The following TPX2 variants were observed in gnomAD, a reference collection of about 807,000 sequenced individuals.
TPX2 encodes targeting protein for Xklp2.
TPX2 carries 21 observed loss-of-function variants against 93.6 expected under a neutral mutation model. That is an observed-to-expected ratio of 0.22 (90% confidence interval 0.16 to 0.32). TPX2 has a LOEUF of 0.32. Among genes scored for constraint, TPX2 ranks in the 10% least tolerant of loss-of-function variants. The pLI is 1.00. For synonymous variants in TPX2, 281 were observed against 298.3 expected (o/e 0.94, Z 0.60); for missense variants, 776 against 871.1 (o/e 0.89, Z 1.37).
At chr20:31,762,550 A>G (rs2061896514) in intron 4 of TPX2, among the ~76,000 whole-genome samples, 1 of 151,924 alleles carries the variant, frequency 6.6e-6, no homozygotes, top group African/African-American at 2.4e-5. Context: ...GGGTTTCGTG[A>G]TGTCGGTCAG....
At chr20:31,754,800 A>G (rs894762139) in intron 2 of TPX2, among the ~76,000 whole-genome samples, 2 of 152,234 alleles carry the variant, frequency 1.3e-5, no homozygotes, top group Non-Finnish European at 2.9e-5. Flanking sequence ...AGATACAGCC[A>G]TTAATTGATA....
intron 4 of TPX2, among the ~76,000 whole-genome samples, chr20:31,765,334 G>T (rs996744993): frequency 2.2e-5 from 3 of 139,428 alleles, no homozygotes; most frequent in Admixed American, 7.2e-5. Context: ...AAAAAAAAAC[G>T]TTTATCAAAA....
intron 7 of TPX2, among the ~76,000 whole-genome samples, chr20:31,773,276 C>G (rs1371418543): frequency 2.0e-5 from 3 of 151,824 alleles, no homozygotes; most frequent in Non-Finnish European, 1.5e-5. Flanking sequence ...CTCAGTCTCC[C>G]ATGTGGCTGG....
In TPX2 at chr20:31,783,873, T is replaced by G; in HGVS notation, c.1365T>G (p.Phe455Leu). The change falls in exon 12 of 18, where the codon TTT (phenylalanine) becomes TTG (leucine). Residue 455 changes from phenylalanine (F) to leucine (L), a missense_variant. Physicochemically the swap from Phe to Leu is conservative, Grantham distance 22. This residue lies in a region of TPX2 where 461 missense variants were observed against 551.2 expected (regional missense o/e 0.84). Transcript: ENST00000300403. ...ESKKKTEDEH[F>L]EFHSRPCPTK... ...AGAAGAAAACAGAGGATGAACACTT[T>G]GAATTTCATTCCAGACCTTGCCCTA... The G allele has an allele frequency of 1.2e-6, 2 of 1,609,324 alleles. No homozygotes were observed. Among genetic ancestry groups the G allele is most frequent in the Non-Finnish European group, 1.7e-6 (2 of 1,179,050 alleles).
intron 2 of TPX2, among the ~76,000 whole-genome samples, chr20:31,749,182 A>G (rs1034983029): frequency 1.6e-4 from 25 of 152,022 alleles, no homozygotes; most frequent in African/African-American, 6.0e-4. Context: ...TCTTGACCTC[A>G]TGATCCACCC....
intron 7 of TPX2, 141 bp downstream of exon 7, chr20:31,771,823 T>G: frequency 1.2e-6 from 1 of 845,462 alleles, no homozygotes; most frequent in Admixed American, 3.2e-5. Flanking sequence ...ACATGTGTCC[T>G]GATGGGTGCT....
chr20:31,791,339 A>G (rs1227300517), intron 12 of TPX2, among the ~76,000 whole-genome samples: 1 of 152,140 alleles, frequency 6.6e-6, no homozygotes, highest in Non-Finnish European at 1.5e-5. Flanking sequence ...GCTGGAGTGC[A>G]GTGGTGCGAT....
At chr20:31,748,747 A>G (rs1425856366) in intron 2 of TPX2, among the ~76,000 whole-genome samples, 1 of 152,104 alleles carries the variant, frequency 6.6e-6, no homozygotes, top group African/African-American at 2.4e-5. Flanking sequence ...AACTTCTCTG[A>G]GCTTGTTTCC....
At chr20:31,774,021 G>T (rs568072162) in intron 7 of TPX2, among the ~76,000 whole-genome samples, 1 of 152,190 alleles carries the variant, frequency 6.6e-6, no homozygotes, top group African/African-American at 2.4e-5. Flanking sequence ...ACTGGCACTT[G>T]CCACTATACC....
At chr20:31,746,526 CTATTA>C (rs545986751) in intron 2 of TPX2, among the ~76,000 whole-genome samples, 100 of 152,296 alleles carry the variant, frequency 6.6e-4, no homozygotes, top group South Asian at 6.4e-3. Flanking sequence ...TCTGTTTATT[CTATTA>C]TATTACCAGT....
chr20:31,791,130 G>A (rs1400486911), intron 12 of TPX2, among the ~76,000 whole-genome samples: 1 of 152,036 alleles, frequency 6.6e-6, no homozygotes. Flanking sequence ...GGGGTGAGAG[G>A]TAAGGCGGGA....
chr20:31,773,301 GC>G (rs1170326065), intron 7 of TPX2, among the ~76,000 whole-genome samples: 1 of 151,960 alleles, frequency 6.6e-6, no homozygotes, highest in Non-Finnish European at 1.5e-5. Flanking sequence ...ACAGGCACCT[GC>G]CACCACACCT....
At chr20:31,783,154 G>A (rs1426440750) in intron 11 of TPX2, among the ~76,000 whole-genome samples, 1 of 152,078 alleles carries the variant, frequency 6.6e-6, no homozygotes, top group Non-Finnish European at 1.5e-5. Context: ...TTGAGGAGGG[G>A]GAGCTTCTTC....
At chr20:31,764,679 A>G (rs1439151026) in intron 4 of TPX2, among the ~76,000 whole-genome samples, 2 of 152,186 alleles carry the variant, frequency 1.3e-5, no homozygotes, top group African/African-American at 4.8e-5. Context: ...TTTAATTGGA[A>G]TAAATGCATC....
chr20:31,742,485 C>G (rs1371604273), intron 1 of TPX2, 56 bp from the exon 2 acceptor site: 4 of 152,116 alleles, frequency 2.6e-5, no homozygotes, highest in Non-Finnish European at 4.4e-5. Context: ...GCCTGTTAAC[C>G]CTTTTTTACT....
chr20:31,784,595 C>G (rs1344263447), intron 12 of TPX2, among the ~76,000 whole-genome samples: 4 of 152,122 alleles, frequency 2.6e-5, no homozygotes, highest in African/African-American at 9.7e-5. Flanking sequence ...GCAGAACATT[C>G]CAGGCAGTAG....
intron 2 of TPX2, among the ~76,000 whole-genome samples, chr20:31,746,230 A>G (rs117400575): frequency 2.4e-3 from 365 of 152,358 alleles, no homozygotes; most frequent in Non-Finnish European, 4.0e-3. Flanking sequence ...CACAAAGTCC[A>G]TTAAACTTCC....
chr20:31,784,830 A>G (rs2062055146), intron 12 of TPX2, among the ~76,000 whole-genome samples: 1 of 152,236 alleles, frequency 6.6e-6, no homozygotes, highest in African/African-American at 2.4e-5. Context: ...AAGCACCTGC[A>G]TAAATGCGAA....
intron 2 of TPX2, among the ~76,000 whole-genome samples, chr20:31,756,485 GC>G (rs1215529734): frequency 4.6e-5 from 7 of 152,054 alleles, no homozygotes; most frequent in Non-Finnish European, 1.0e-4. Context: ...GCTAGAGGAG[GC>G]TAGAAATGAG....
Sources: gnomAD v4.1 joint callset for allele counts (sites outside exome capture counted in the v4.1 genomes callset) on GRCh38, gnomAD v4.1.1 for gene constraint, gnomAD v4.1.1 regional missense constraint, MANE v1.5 for transcripts, NCBI Gene and HGNC (gene_info 2026-07-23, HGNC 2026-07-21) for gene names.